BIRC6: variants seen among roughly 807,000 people sequenced by gnomAD.
BIRC6 encodes the protein baculoviral IAP repeat containing 6, also known as dual E2 ubiquitin-conjugating enzyme/E3 ubiquitin-protein ligase BIRC6.
In BIRC6, 98 loss-of-function variants were observed where a neutral mutation model predicts 503.3. The ratio of observed to expected loss-of-function variants is 0.19; its 90% CI spans 0.17 to 0.23. BIRC6 has a LOEUF of 0.23. BIRC6 is among the 10% of genes least tolerant of loss of function. BIRC6 has a pLI of 1.00. For synonymous variants in BIRC6, 2,240 were observed against 2,078.7 expected, an observed-to-expected ratio of 1.08 and a Z score of -2.11; for missense variants, 5,360 against 5,806.0, an observed-to-expected ratio of 0.92 and a Z score of 2.50.
At chr2:32,607,073 T>C (rs2151639538) in intron 71 of BIRC6, among the ~76,000 whole-genome samples, 1 of 151,700 alleles carries the variant, frequency 6.6e-6, no homozygotes, top group Admixed American at 6.6e-5. Context: ...TTGAGCAGAA[T>C]GTTGCTATGA....
At chr2:32,531,990 C>G (rs746192815) in intron 61 of BIRC6, among the ~76,000 whole-genome samples, 2 of 152,120 alleles carry the variant, frequency 1.3e-5, no homozygotes, top group Non-Finnish European at 2.9e-5. Flanking sequence ...GACCTATTCC[C>G]GTGTTCATTT....
intron 35 of BIRC6, 108 bp from the exon 36 acceptor site, chr2:32,478,527 A>G: frequency 1.1e-6 from 1 of 918,834 alleles, no homozygotes. Flanking sequence ...CTCATACATC[A>G]TTGTTGAAAC....
chr2:32,467,811 A>C, intron 27 of BIRC6, 72 bp downstream of exon 27: 1 of 1,445,854 alleles, frequency 6.9e-7, no homozygotes, highest in Non-Finnish European at 9.3e-7. Flanking sequence ...TGAATATATA[A>C]TTAAAAAATA....
At chr2:32,384,937 C>T (rs916878366) in intron 3 of BIRC6, among the ~76,000 whole-genome samples, 2 of 152,062 alleles carry the variant, frequency 1.3e-5, no homozygotes, top group Non-Finnish European at 2.9e-5. Context: ...ATTCATAGAC[C>T]TTTGTTTTTG....
intron 55 of BIRC6, among the ~76,000 whole-genome samples, chr2:32,516,484 C>G (rs1047664362): frequency 2.7e-5 from 4 of 149,570 alleles, no homozygotes; most frequent in African/African-American, 9.9e-5. Flanking sequence ...CTACTGCACT[C>G]CAGCCTGGGC....
chr2:32,366,386 A>G (rs775684519), intron 1 of BIRC6, among the ~76,000 whole-genome samples: 16 of 152,094 alleles, frequency 1.1e-4, no homozygotes, highest in Non-Finnish European at 1.9e-4. Context: ...GATTTGTTCA[A>G]TACCTTCTTT....
At chr2:32,600,045 A>C (rs1169697953) in intron 70 of BIRC6, 145 bp downstream of exon 70, 2 of 733,706 alleles carry the variant, frequency 2.7e-6, no homozygotes, top group East Asian at 5.4e-5. Flanking sequence ...AGATTAGCTT[A>C]AGCAATAGAA....
intron 54 of BIRC6, among the ~76,000 whole-genome samples, chr2:32,513,388 G>A (rs553521395): frequency 1.3e-5 from 2 of 152,274 alleles, no homozygotes; most frequent in East Asian, 3.9e-4. Flanking sequence ...TATGCTTAAT[G>A]TAGATGTTGC....
chr2:32,559,045 C>T (rs976753214), intron 65 of BIRC6, among the ~76,000 whole-genome samples: 5 of 152,062 alleles, frequency 3.3e-5, no homozygotes, highest in Non-Finnish European at 7.4e-5. Context: ...TTTGAAGATA[C>T]TTTTCCCCAT....
chr2:32,513,931 C>T (rs1329511765), intron 54 of BIRC6, among the ~76,000 whole-genome samples: 5 of 152,016 alleles, frequency 3.3e-5, no homozygotes, highest in African/African-American at 1.2e-4. Context: ...GTCAGCCGGA[C>T]ACGGTGGTAT....
intron 65 of BIRC6, among the ~76,000 whole-genome samples, chr2:32,569,173 G>A (rs551127439): frequency 6.6e-6 from 1 of 151,926 alleles, no homozygotes; most frequent in East Asian, 2.0e-4. Context: ...TATTTTAGTA[G>A]AGATGGGGTT....
At chr2:32,457,830 A>G (rs758325249) in intron 23 of BIRC6, among the ~76,000 whole-genome samples, 12 of 152,180 alleles carry the variant, frequency 7.9e-5, no homozygotes, top group African/African-American at 1.9e-4. Flanking sequence ...TGAATAATCA[A>G]ATGAACAAAC....
chr2:32,412,511 AAAAAG>A (rs1456143916), intron 9 of BIRC6, among the ~76,000 whole-genome samples: 1 of 152,142 alleles, frequency 6.6e-6, no homozygotes, highest in African/African-American at 2.4e-5. Flanking sequence ...AAAAACAAAA[AAAAAG>A]AAAAGAATAA....
At chr2:32,511,191 C>CTT (rs1558932852) in intron 53 of BIRC6, among the ~76,000 whole-genome samples, 1 of 52,716 alleles carries the variant, frequency 1.9e-5, no homozygotes, top group Non-Finnish European at 4.1e-5. Flanking sequence ...TGATTTTTTT[C>CTT]TTTTCTTTTC....
chr2:32,574,232 T>C (rs2060109408), intron 65 of BIRC6, among the ~76,000 whole-genome samples: 1 of 149,474 alleles, frequency 6.7e-6, no homozygotes, highest in Non-Finnish European at 1.5e-5. Flanking sequence ...CATGATCTTG[T>C]CCTCCCCAGT....
chr2:32,434,662 G>GTA (rs1388255419), intron 13 of BIRC6, among the ~76,000 whole-genome samples: 1 of 152,076 alleles, frequency 6.6e-6, no homozygotes, highest in African/African-American at 2.4e-5. Context: ...AGCCTGGGAA[G>GTA]TATAGCAAGC....
At chr2:32,503,654 T>G (rs1405937295) in intron 49 of BIRC6, among the ~76,000 whole-genome samples, 2 of 151,850 alleles carry the variant, frequency 1.3e-5, no homozygotes, top group African/African-American at 4.8e-5. Context: ...ATGCCTGACC[T>G]CCAGTGATCC....
intron 6 of BIRC6, among the ~76,000 whole-genome samples, chr2:32,397,598 GTGTGTGTATATA>G (rs1344018606): frequency 1.4e-5 from 2 of 143,350 alleles, no homozygotes; most frequent in East Asian, 2.0e-4. Context: ...GTGTGTGTGT[GTGTGTGTATATA>G]TGTGTGTATA....
intron 9 of BIRC6, among the ~76,000 whole-genome samples, chr2:32,411,288 C>T (rs2041845813): frequency 1.3e-5 from 2 of 151,704 alleles, no homozygotes; most frequent in Admixed American, 1.3e-4. Context: ...ATCCACCCGC[C>T]TCACCCTGCC....
Sources: allele counts gnomAD v4.1 joint callset (sites outside exome capture counted in the v4.1 genomes callset), GRCh38; gene constraint gnomAD v4.1.1; transcripts MANE v1.5; gene names NCBI Gene and HGNC (gene_info 2026-07-23, HGNC 2026-07-21).